CANX: variants seen among roughly 807,000 people sequenced by gnomAD.
The protein encoded by CANX is epididymis secretory sperm binding protein.
CANX carries 14 observed loss-of-function variants against 75.7 expected under a neutral mutation model. The ratio of observed to expected loss-of-function variants is 0.19; its 90% CI spans 0.12 to 0.29. CANX has a LOEUF of 0.29. CANX is among the 10% of genes least tolerant of loss of function. The pLI, the probability that CANX is intolerant of heterozygous loss-of-function variation, is 1.00. For missense variants in CANX, 567 were observed against 713.2 expected (o/e 0.79, Z 2.34); for synonymous variants, 227 against 236.9 (o/e 0.96, Z 0.38).
upstream of CANX, chr5:179,698,636 C>G (rs940053404): frequency 4.0e-6 from 5 of 1,244,730 alleles, no homozygotes; most frequent in African/African-American, 1.5e-5. Context: ...TTGGAACGCC[C>G]CGAAGGCACC....
At chr5:179,679,692 G>C (rs1427621526) in intron 1 of CANX, among the ~76,000 whole-genome samples, 1 of 152,048 alleles carries the variant, frequency 6.6e-6, no homozygotes, top group Non-Finnish European at 1.5e-5. Flanking sequence ...GAGTCTCGCT[G>C]TCGTTGCCCG....
intron 8 of CANX, among the ~76,000 whole-genome samples, chr5:179,717,864 T>C (rs1283619509): frequency 1.3e-5 from 2 of 151,234 alleles, no homozygotes; most frequent in African/African-American, 4.9e-5. Context: ...CACAAGCGCA[T>C]GCCACCACAC....
intron 1 of CANX, among the ~76,000 whole-genome samples, chr5:179,692,382 T>C (rs970367185): frequency 6.6e-6 from 1 of 152,008 alleles, no homozygotes; most frequent in Non-Finnish European, 1.5e-5. Flanking sequence ...GCCATCTGTG[T>C]TCCTTATAAC....
chr5:179,682,906 G>A (rs541500820), intron 1 of CANX, among the ~76,000 whole-genome samples: 1 of 152,246 alleles, frequency 6.6e-6, no homozygotes, highest in African/African-American at 2.4e-5. Context: ...GGGGGTAGAG[G>A]AGGGAAGTGG....
intron 9 of CANX, 109 bp downstream of exon 9, chr5:179,719,890 C>A (rs544287492): frequency 1.6e-6 from 1 of 639,350 alleles, no homozygotes; most frequent in Non-Finnish European, 2.8e-6. Context: ...GGCGCAGTTT[C>A]GGCTCACTGC....
upstream of CANX, chr5:179,698,591 A>G (rs1202809384): frequency 3.9e-6 from 5 of 1,289,314 alleles, no homozygotes; most frequent in Non-Finnish European, 5.1e-6. Flanking sequence ...TCTCGGCTCC[A>G]GGAACCAGAC....
intron 1 of CANX, among the ~76,000 whole-genome samples, chr5:179,688,255 A>G (rs2113041945): frequency 6.6e-6 from 1 of 150,708 alleles, no homozygotes; most frequent in East Asian, 2.0e-4. Flanking sequence ...GGGTTTCACC[A>G]TGTTGGCCAG....
intron 3 of CANX, 112 bp downstream of exon 3, chr5:179,706,443 TTTTA>T (rs1777143641): frequency 9.2e-6 from 5 of 542,952 alleles, no homozygotes; most frequent in Non-Finnish European, 1.6e-5. Flanking sequence ...CTTTATTTTA[TTTTA>T]TTTATTTATT....
chr5:179,728,288 ATTGT>A (rs1170112442), intron 14 of CANX, among the ~76,000 whole-genome samples: 4 of 152,146 alleles, frequency 2.6e-5, no homozygotes, highest in African/African-American at 7.2e-5. Flanking sequence ...AGGCCAGTAG[ATTGT>A]TTGGGATTAA....
intron 1 of CANX, among the ~76,000 whole-genome samples, chr5:179,703,216 TGGTGGAGTCTTTTTTTTTTTTTTGA>T (rs1776887707): frequency 6.8e-6 from 1 of 147,314 alleles, no homozygotes; most frequent in Non-Finnish European, 1.5e-5. Flanking sequence ...CCTGGTGGAG[TGGTGGAGTCTTTTTTTTTTTTTTGA>T]GGTGGAGTCT....
Position 179,679,958 on chromosome 5 carries a change from C to CTTTT in CANX, c.-4+1204_-4+1207dup, listed in dbSNP as rs34916199. Among the ~76,000 whole-genome samples, 72 of 59,372 alleles carry CTTTT rather than the reference C, an allele frequency of 1.2e-3. 5 individuals are homozygous for CTTTT. Among genetic ancestry groups the CTTTT allele is most frequent in the African/African-American group, 3.4e-3 (53 of 15,770 alleles). 39.0% of individuals were successfully genotyped at this position (59,372 alleles called of 152,430 possible). On this transcript the variant is annotated intron_variant, in intron 1 of 14. Coordinates refer to the CANX transcript ENST00000681674. Reference sequence around the variant, plus strand: ...ACAGGCATGAGTCACTGCGCCTGGCCTTTTTTTTTTTTTTTTTTTTTTTTT... The same window carrying CTTTT: ...ACAGGCATGAGTCACTGCGCCTGGCCTTTTTTTTTTTTTTTTTTTTTTTTTTTTT...
intron 1 of CANX, among the ~76,000 whole-genome samples, chr5:179,690,008 G>T (rs1011247071): frequency 6.6e-6 from 1 of 152,128 alleles, no homozygotes; most frequent in African/African-American, 2.4e-5. Flanking sequence ...AGGACATAAG[G>T]TTTATTCTGA....
At chr5:179,692,201 A>G (rs1299601383) in intron 1 of CANX, among the ~76,000 whole-genome samples, 1 of 151,910 alleles carries the variant, frequency 6.6e-6, no homozygotes. Flanking sequence ...CAGCCTCCCA[A>G]GTAGCTGGGA....
At chr5:179,702,735 C>G (rs541352060) in intron 1 of CANX, among the ~76,000 whole-genome samples, 2 of 152,218 alleles carry the variant, frequency 1.3e-5, no homozygotes, top group South Asian at 4.1e-4. Context: ...CTCTGTTGCC[C>G]AGGCTTGAAT....
intron 8 of CANX, among the ~76,000 whole-genome samples, chr5:179,717,689 G>T (rs1055098585): frequency 6.0e-5 from 9 of 150,716 alleles, no homozygotes; most frequent in Admixed American, 5.9e-4. Context: ...TCATGTACTG[G>T]TTTTTACATA....
chr5:179,716,172 C>A lies in CANX; in HGVS notation c.789C>A (p.Leu263=), dbSNP rs1777937595. ...CTGTGGTGAATAGTGGAAATCTGCT[C>A]AATGACATGACTCCTCCTGTAAATC... The part of the protein sequence containing the change: ...DQSVVNSGNL[L]NDMTPPVNPS... The change falls in exon 8 of 15, where the codon CTC becomes CTA. Residue 263 remains leucine (L), a synonymous_variant. Transcript: ENST00000247461. 1 of 1,612,988 alleles carries A rather than the reference C, an allele frequency of 6.2e-7. No individual in the cohort carries two copies. Among genetic ancestry groups the A allele is most frequent in the Non-Finnish European group, 8.5e-7 (1 of 1,178,942 alleles).
chr5:179,693,145 C>CAAAAAA (rs766961125), intron 1 of CANX, among the ~76,000 whole-genome samples: 1 of 93,002 alleles, frequency 1.1e-5, no homozygotes. Flanking sequence ...AACTCCGTCT[C>CAAAAAA]AAAAAAAAAA....
intron 1 of CANX, among the ~76,000 whole-genome samples, chr5:179,703,287 G>A (rs1489502518): frequency 8.0e-5 from 12 of 150,158 alleles, no homozygotes; most frequent in African/African-American, 2.2e-4. Context: ...GCGCCATCTC[G>A]GGTCACTGCA....
chr5:179,694,484 C>T, upstream of CANX: 1 of 744,700 alleles, frequency 1.3e-6, no homozygotes, highest in Non-Finnish European at 2.5e-6. Flanking sequence ...CTGGATTCTT[C>T]CTGTTCTCTT....
Sources: allele counts gnomAD v4.1 joint callset (sites outside exome capture counted in the v4.1 genomes callset), GRCh38; gene constraint gnomAD v4.1.1; transcripts MANE v1.5; gene names NCBI Gene and HGNC (gene_info 2026-07-23, HGNC 2026-07-21).